Variants in YAP1 observed in about 807,000 individuals in gnomAD.
The protein encoded by YAP1 is Yes1 associated transcriptional regulator.
Under a neutral mutation model 56.9 loss-of-function variants are expected in YAP1, and 5 were observed. That is an observed-to-expected ratio of 0.09 (90% CI 0.05 to 0.18). YAP1 has a LOEUF of 0.18. Among genes scored for constraint, YAP1 ranks in the 10% least tolerant of loss-of-function variants. The probability of loss-of-function intolerance (pLI) is 1.00; values close to 1 mark genes in which losing one functional copy is unlikely to be tolerated. For synonymous variants in YAP1, 265 were observed against 248.1 expected (o/e 1.07, Z -0.64); for missense variants, 539 against 651.8 (o/e 0.83, Z 1.88).
At chr11:102,117,846 T>A (rs1327726940) in intron 2 of YAP1, among the ~76,000 whole-genome samples, 2 of 152,262 alleles carry the variant, frequency 1.3e-5, no homozygotes, top group Non-Finnish European at 2.9e-5. Flanking sequence ...AGCTTTCATT[T>A]TAAAAGAATT....
intron 6 of YAP1, among the ~76,000 whole-genome samples, chr11:102,215,051 T>G (rs7122907): frequency 0.33 from 49,966 of 152,044 alleles, 8,313 homozygotes; most frequent in East Asian, 0.36. Context: ...GGCATAAACA[T>G]TAAAAAACAT....
intron 4 of YAP1, among the ~76,000 whole-genome samples, chr11:102,194,014 C>T (rs977460195): frequency 9.9e-5 from 15 of 152,098 alleles, no homozygotes; most frequent in Non-Finnish European, 2.1e-4. Flanking sequence ...ACCATGTTAG[C>T]CAGGATGGTC....
intron 3 of YAP1, among the ~76,000 whole-genome samples, chr11:102,168,982 A>G (rs1946750765): frequency 6.6e-6 from 1 of 152,172 alleles, no homozygotes; most frequent in Non-Finnish European, 1.5e-5. Context: ...TGTAATTCAG[A>G]AACTTTAAAG....
chr11:102,159,102 T>C (rs967283431), intron 2 of YAP1, among the ~76,000 whole-genome samples: 1 of 152,240 alleles, frequency 6.6e-6, no homozygotes, highest in African/African-American at 2.4e-5. Context: ...CAAATTATTA[T>C]GTTGTTCCCC....
chr11:102,201,727 G>A (rs1948870513), intron 4 of YAP1, among the ~76,000 whole-genome samples: 1 of 151,970 alleles, frequency 6.6e-6, no homozygotes, highest in African/African-American at 2.4e-5. Context: ...CAAAATCAAA[G>A]TAAAAACCAT....
intron 2 of YAP1, among the ~76,000 whole-genome samples, chr11:102,154,551 G>A (rs1218825883): frequency 1.3e-5 from 2 of 152,040 alleles, no homozygotes; most frequent in African/African-American, 4.8e-5. Flanking sequence ...CATACAAAGA[G>A]ATATTAATGG....
chr11:102,117,156 C>G lies in YAP1; in HGVS notation c.572+2762C>G, dbSNP rs112019359. ...TAGTCAAAGATGATGATAAACTAAG[C>G]TTTTGGTGCCAAGTTTCTGTTGTCA... On this transcript the variant is annotated intron_variant, in intron 2 of 8. Coordinates refer to ENST00000282441, the MANE Select transcript of YAP1 (RefSeq NM_001130145.3). 3.0e-4 allele frequency among the ~76,000 whole-genome samples: 45 copies of G among 152,130 alleles called. 1 individual carries two copies. Among genetic ancestry groups the G allele is most frequent in the African/African-American group, 1.0e-3 (43 of 41,504 alleles).
In YAP1 at chr11:102,110,693, G is replaced by A. The variant is rs1591083092; in HGVS notation, c.-156G>A. The A allele has an allele frequency of 1.1e-5, 6 of 565,024 alleles. No homozygotes were observed. The highest frequency in any genetic ancestry group is 1.7e-4 in the South Asian group (2 of 11,776). The allele number at this position is 565,024 out of a possible 1,614,324, so 35.0% of individuals were successfully genotyped here. On this transcript the variant is annotated 5_prime_UTR_variant, in exon 1 of 9. Coordinates refer to ENST00000282441, the MANE Select transcript of YAP1 (RefSeq NM_001130145.3). ...CGGAGGCGCCGGGGCGGGGGATGCG[G>A]GGCCGCGGCGCAGCCCCCCGGCCCT...
chr11:102,158,716 ACCT>A (rs1195654691), intron 2 of YAP1, among the ~76,000 whole-genome samples: 5 of 152,218 alleles, frequency 3.3e-5, no homozygotes, highest in African/African-American at 1.2e-4. Context: ...ATGAGCACTA[ACCT>A]CCTACTAGTG....
intron 6 of YAP1, among the ~76,000 whole-genome samples, chr11:102,216,258 G>A (rs1278148171): frequency 2.0e-5 from 3 of 152,104 alleles, no homozygotes; most frequent in South Asian, 4.1e-4. Context: ...AAATGTGAAA[G>A]TGAAGTTACC....
intron 3 of YAP1, among the ~76,000 whole-genome samples, chr11:102,169,130 A>G (rs1031795457): frequency 5.3e-5 from 8 of 152,192 alleles, no homozygotes; most frequent in African/African-American, 1.9e-4. Context: ...TACTGTATCT[A>G]CCTGTATTCT....
At chr11:102,205,794 T>G in intron 4 of YAP1, 99 bp from the exon 5 acceptor site, 1 of 1,246,900 alleles carries the variant, frequency 8.0e-7, no homozygotes, top group Non-Finnish European at 1.1e-6. Context: ...CCAAAAAAGT[T>G]ACATCGAATA....
intron 6 of YAP1, among the ~76,000 whole-genome samples, chr11:102,221,770 A>G (rs1949945702): frequency 6.6e-6 from 1 of 152,108 alleles, no homozygotes; most frequent in African/African-American, 2.4e-5. Flanking sequence ...TTATAACGTA[A>G]CTACTGTAGC....
At chr11:102,205,820 G>C in intron 4 of YAP1, 73 bp from the exon 5 acceptor site, 1 of 1,394,114 alleles carries the variant, frequency 7.2e-7, no homozygotes, top group Non-Finnish European at 9.4e-7. Context: ...AATTGCTTTT[G>C]AATAATTAAA....
intron 4 of YAP1, among the ~76,000 whole-genome samples, chr11:102,194,584 A>C (rs1948476701): frequency 2.0e-5 from 3 of 152,196 alleles, no homozygotes; most frequent in Non-Finnish European, 2.9e-5. Flanking sequence ...CAAGTAAATA[A>C]ATCATTACAA....
intron 3 of YAP1, among the ~76,000 whole-genome samples, chr11:102,166,080 CA>C (rs1293693685): frequency 6.6e-6 from 1 of 152,144 alleles, no homozygotes; most frequent in Non-Finnish European, 1.5e-5. Flanking sequence ...GGTCCAAAAC[CA>C]AAGGCTTTTT....
intron 1 of YAP1, 22 bp downstream of exon 1, chr11:102,111,191 C>T (rs774795173): frequency 4.3e-6 from 7 of 1,609,776 alleles, no homozygotes; most frequent in African/African-American, 2.7e-5. Context: ...GCCCCTCTCC[C>T]CGTTTCCCCG....
At chr11:102,168,112 A>G (rs1024503115) in intron 3 of YAP1, among the ~76,000 whole-genome samples, 12 of 152,180 alleles carry the variant, frequency 7.9e-5, no homozygotes, top group Non-Finnish European at 1.5e-4. Flanking sequence ...TAGGATCCGT[A>G]GTTTTTCTCC....
Position 102,191,586 on chromosome 11 carries a change from A to G in YAP1, c.802+5455A>G, listed in dbSNP as rs865853157. ...ACATGAAAATTTGAGAGGGAGAAAA[A>G]TAGTGGTTAATGCACTTGCATCTTG... is the stretch of plus-strand genomic sequence containing the variant. On this transcript the variant is annotated intron_variant, in intron 4 of 8. Coordinates refer to ENST00000282441, the MANE Select transcript of YAP1 (RefSeq NM_001130145.3). Among the ~76,000 whole-genome samples the G allele has an allele frequency of 5.3e-5, 8 of 152,342 alleles. No homozygotes were observed. The South Asian group carries it at 1.7e-3, about 32-fold the overall frequency.
Sources: allele counts gnomAD v4.1 joint callset (sites outside exome capture counted in the v4.1 genomes callset), GRCh38; gene constraint gnomAD v4.1.1; transcripts MANE v1.5; gene names NCBI Gene and HGNC (gene_info 2026-07-23, HGNC 2026-07-21).